The following SNTG1 variants were observed in gnomAD, a reference collection of about 807,000 sequenced individuals.
SNTG1 encodes syntrophin gamma 1.
A neutral mutation model predicts 74.7 loss-of-function variants in SNTG1; 39 were observed. The observed-to-expected ratio is 0.52, with a 90% confidence interval of 0.40 to 0.68. SNTG1 has a LOEUF of 0.68. Among genes scored for constraint, SNTG1 ranks in the 30% least tolerant of loss-of-function variants. SNTG1 has a pLI of 0.00. For synonymous variants in SNTG1, 254 were observed against 217.1 expected (o/e 1.17, Z -1.49); for missense variants, 685 against 609.5 (o/e 1.12, Z -1.30).
intron 1 of SNTG1, among the ~76,000 whole-genome samples, chr8:50,126,819 C>A (rs1445101731): frequency 6.6e-6 from 1 of 151,952 alleles, no homozygotes; most frequent in African/African-American, 2.4e-5. Context: ...CTATATGGGC[C>A]AGTAAAGGTC....
chr8:50,083,569 A>G lies in SNTG1; in HGVS notation c.-102-88992A>G, dbSNP rs56151453. Among the ~76,000 whole-genome samples the G allele has an allele frequency of 5.5e-3, 834 of 152,346 alleles. 5 individuals are homozygous for G. The highest frequency in any genetic ancestry group is 0.034 in the Middle Eastern group (10 of 294). On this transcript the variant is annotated intron_variant, in intron 1 of 18. Coordinates refer to ENST00000642720, the MANE Select transcript of SNTG1 (RefSeq NM_018967.5). ...TGCACATTCAGTTTTTAAGCTTGTG[A>G]ATTTTATATAAAGCAAAATATTTTT...
At chr8:50,324,731 A>G (rs1186255259) in intron 2 of SNTG1, among the ~76,000 whole-genome samples, 1 of 151,978 alleles carries the variant, frequency 6.6e-6, no homozygotes, top group Non-Finnish European at 1.5e-5. Flanking sequence ...TGTCAATTGT[A>G]GAGCAGATAT....
intron 1 of SNTG1, among the ~76,000 whole-genome samples, chr8:50,087,369 T>A (rs1269851882): frequency 6.6e-6 from 1 of 152,164 alleles, no homozygotes; most frequent in Non-Finnish European, 1.5e-5. Context: ...CTTCCACAGT[T>A]CCAGAGCAGC....
At chr8:50,562,657 A>C (rs1197883513) in intron 12 of SNTG1, among the ~76,000 whole-genome samples, 1 of 152,214 alleles carries the variant, frequency 6.6e-6, no homozygotes, top group African/African-American at 2.4e-5. Context: ...TATGACAACA[A>C]TAGAAACTAA....
At chr8:50,320,427 G>A (rs1045557831) in intron 2 of SNTG1, among the ~76,000 whole-genome samples, 5 of 151,766 alleles carry the variant, frequency 3.3e-5, no homozygotes, top group Non-Finnish European at 5.9e-5. Context: ...TCTGACTACA[G>A]ATTTGACAAT....
chr8:49,933,425 C>T (rs1476013536), intron 1 of SNTG1, among the ~76,000 whole-genome samples: 1 of 152,124 alleles, frequency 6.6e-6, no homozygotes, highest in African/African-American at 2.4e-5. Context: ...AGATTCATTC[C>T]TAAATTTTCT....
intron 1 of SNTG1, among the ~76,000 whole-genome samples, chr8:49,961,492 C>A (rs573096991): frequency 3.3e-5 from 5 of 152,162 alleles, no homozygotes; most frequent in African/African-American, 4.8e-5. Context: ...CACATTCTTC[C>A]TGAAACAAAA....
chr8:49,956,947 T>A (rs767360484), intron 1 of SNTG1, among the ~76,000 whole-genome samples: 1 of 152,186 alleles, frequency 6.6e-6, no homozygotes, highest in African/African-American at 2.4e-5. Flanking sequence ...ATATGTGGAA[T>A]GTAAGAACTC....
intron 12 of SNTG1, among the ~76,000 whole-genome samples, chr8:50,590,153 C>T (rs980154705): frequency 2.0e-5 from 3 of 152,102 alleles, no homozygotes; most frequent in Non-Finnish European, 4.4e-5. Context: ...AAATAGTCTG[C>T]ATTACTTCTG....
intron 2 of SNTG1, among the ~76,000 whole-genome samples, chr8:50,344,090 A>G (rs2091400616): frequency 6.6e-6 from 1 of 152,212 alleles, no homozygotes; most frequent in African/African-American, 2.4e-5. Flanking sequence ...CTTCAGCCTA[A>G]GAAGGTTTAG....
At chr8:50,156,600 G>T (rs2082263043) in intron 1 of SNTG1, among the ~76,000 whole-genome samples, 1 of 151,902 alleles carries the variant, frequency 6.6e-6, no homozygotes, top group South Asian at 2.1e-4. Context: ...AATATAGGTT[G>T]GGATATGTGC....
intron 2 of SNTG1, among the ~76,000 whole-genome samples, chr8:50,340,472 A>G (rs976513799): frequency 3.3e-5 from 5 of 152,068 alleles, no homozygotes; most frequent in African/African-American, 4.8e-5. Flanking sequence ...CAAAGAAAGG[A>G]TAATCTTTTC....
At chr8:50,129,749 A>G (rs1037913471) in intron 1 of SNTG1, among the ~76,000 whole-genome samples, 1 of 152,150 alleles carries the variant, frequency 6.6e-6, no homozygotes, top group Non-Finnish European at 1.5e-5. Context: ...AGCAGGAAAA[A>G]GCCTTCTGTT....
chr8:50,132,865 G>A (rs151089486), intron 1 of SNTG1, among the ~76,000 whole-genome samples: 2 of 152,248 alleles, frequency 1.3e-5, no homozygotes, highest in African/African-American at 4.8e-5. Flanking sequence ...ATCATTCCTG[G>A]ATAACTGTGT....
chr8:50,253,121 A>T (rs1454067888), intron 2 of SNTG1, among the ~76,000 whole-genome samples: 1 of 152,114 alleles, frequency 6.6e-6, no homozygotes, highest in Non-Finnish European at 1.5e-5. Flanking sequence ...CAGCACGGAG[A>T]TTACTTTAAG....
At chr8:50,193,613 C>A (rs972289415) in intron 2 of SNTG1, among the ~76,000 whole-genome samples, 19 of 152,062 alleles carry the variant, frequency 1.2e-4, no homozygotes, top group Admixed American at 5.9e-4. Flanking sequence ...ATATCATCAG[C>A]AAACAGTGAC....
intron 2 of SNTG1, among the ~76,000 whole-genome samples, chr8:50,266,390 G>A (rs2087467992): frequency 6.6e-6 from 1 of 151,858 alleles, no homozygotes; most frequent in Non-Finnish European, 1.5e-5. Flanking sequence ...GTAAGCAAAT[G>A]AATGAAGTTG....
At chr8:50,494,854 A>G (rs1280999756) in intron 8 of SNTG1, among the ~76,000 whole-genome samples, 2 of 152,026 alleles carry the variant, frequency 1.3e-5, no homozygotes, top group Non-Finnish European at 1.5e-5. Flanking sequence ...AAATAAGTAC[A>G]ATTTTATCAA....
intron 2 of SNTG1, among the ~76,000 whole-genome samples, chr8:50,190,629 CTT>C (rs1303440303): frequency 1.3e-5 from 2 of 152,088 alleles, no homozygotes; most frequent in African/African-American, 4.8e-5. Flanking sequence ...AAAATACTCT[CTT>C]TCTCTTTTTT....
Sources: gnomAD v4.1 joint callset for allele counts (sites outside exome capture counted in the v4.1 genomes callset) on GRCh38, gnomAD v4.1.1 for gene constraint, MANE v1.5 for transcripts, NCBI Gene and HGNC (gene_info 2026-07-23, HGNC 2026-07-21) for gene names.